The following PEAK1 variants were observed in gnomAD, a reference collection of about 807,000 sequenced individuals.
PEAK1 encodes pseudopodium enriched atypical kinase 1.
In PEAK1, 54 loss-of-function variants were observed where a neutral mutation model predicts 124.7. The ratio of observed to expected loss-of-function variants is 0.43; its 90% CI spans 0.35 to 0.54. The LOEUF is 0.54. PEAK1 is among the 20% of genes least tolerant of loss of function. The probability of loss-of-function intolerance (pLI) is 0.01; values close to 1 mark genes in which losing one functional copy is unlikely to be tolerated. For synonymous variants in PEAK1, 719 were observed against 760.0 expected, an observed-to-expected ratio of 0.95 and a Z score of 0.89; for missense variants, 2,046 against 2,134.5, an observed-to-expected ratio of 0.96 and a Z score of 0.82.
chr15:77,371,242 A>C, intron 1 of PEAK1: 1 of 983,148 alleles, frequency 1.0e-6, no homozygotes, highest in Non-Finnish European at 1.2e-6. Context: ...TTCACTCCAA[A>C]CCTAGGGCCT....
intron 6 of PEAK1, among the ~76,000 whole-genome samples, chr15:77,245,689 G>C (rs2060551187): frequency 6.6e-6 from 1 of 151,832 alleles, no homozygotes; most frequent in Non-Finnish European, 1.5e-5. Flanking sequence ...GGGAAACCGA[G>C]TGAGACTCCG....
At chr15:77,102,465 T>C (rs2050703711) in exon 7 of PEAK1, 1 of 152,242 alleles carries the variant, frequency 6.6e-6, no homozygotes, top group Non-Finnish European at 1.5e-5. Flanking sequence ...ACAAAGTCCT[T>C]TCTCAACAAG....
chr15:77,258,333 A>C (rs2061271756), intron 5 of PEAK1, among the ~76,000 whole-genome samples: 1 of 152,066 alleles, frequency 6.6e-6, no homozygotes, highest in Non-Finnish European at 1.5e-5. Flanking sequence ...GGCCTTTTTC[A>C]TGATATTGAT....
At chr15:77,323,419 G>A (rs1254943387) in intron 2 of PEAK1, among the ~76,000 whole-genome samples, 5 of 152,212 alleles carry the variant, frequency 3.3e-5, no homozygotes, top group Admixed American at 6.5e-5. Flanking sequence ...TAAGCTGATA[G>A]GCAACTTCAG....
chr15:77,332,056 G>GA (rs2065919827), intron 2 of PEAK1: 1 of 431,034 alleles, frequency 2.3e-6, no homozygotes. Flanking sequence ...GGCCAACATG[G>GA]CGAAACTGTC....
At chr15:77,386,053 C>G (rs777344282) in intron 1 of PEAK1, among the ~76,000 whole-genome samples, 144 of 152,180 alleles carry the variant, frequency 9.5e-4, no homozygotes, top group Non-Finnish European at 2.0e-3. Flanking sequence ...ATTAATGGAG[C>G]TATTATAGGA....
chr15:77,274,617 TA>T (rs1300741111), intron 5 of PEAK1, among the ~76,000 whole-genome samples: 1 of 151,310 alleles, frequency 6.6e-6, no homozygotes, highest in African/African-American at 2.4e-5. Context: ...AATCAAAAAT[TA>T]AAAAACCAAA....
At chr15:77,238,872 T>C (rs1397879395) in intron 6 of PEAK1, among the ~76,000 whole-genome samples, 1 of 152,196 alleles carries the variant, frequency 6.6e-6, no homozygotes, top group African/African-American at 2.4e-5. Flanking sequence ...TCCAGGAGGC[T>C]AGACATAAAG....
chr15:77,285,183 T>G (rs994999871), intron 3 of PEAK1, 128 bp from the exon 4 acceptor site: 1 of 152,186 alleles, frequency 6.6e-6, no homozygotes, highest in East Asian at 1.9e-4. Flanking sequence ...TTACTAGCTA[T>G]GTGATCTCGG....
At chr15:77,318,340 C>G (rs75514735) in intron 2 of PEAK1, among the ~76,000 whole-genome samples, 6,132 of 152,246 alleles carry the variant, frequency 0.04, 195 homozygotes, top group Non-Finnish European at 0.061. Flanking sequence ...ATATTGGCAA[C>G]TTCCTGTGAA....
chr15:77,383,390 A>T (rs956205603), intron 1 of PEAK1, among the ~76,000 whole-genome samples: 7 of 152,204 alleles, frequency 4.6e-5, no homozygotes, highest in Admixed American at 2.6e-4. Context: ...TGCCTTGAGA[A>T]GAAACATCAG....
At chr15:77,182,785 CA>C (rs1469487333) in intron 6 of PEAK1, among the ~76,000 whole-genome samples, 1 of 126,872 alleles carries the variant, frequency 7.9e-6, no homozygotes, top group Non-Finnish European at 1.7e-5. Flanking sequence ...AAAAGGAGAC[CA>C]GGGGCCAGAT....
At chr15:77,116,712 CTATCT>C (rs2051415137) in intron 9 of PEAK1, among the ~76,000 whole-genome samples, 1 of 122,418 alleles carries the variant, frequency 8.2e-6, no homozygotes, top group Non-Finnish European at 1.8e-5. Context: ...ATCTATCTAT[CTATCT>C]ATCTATCTAT....
intron 9 of PEAK1, among the ~76,000 whole-genome samples, chr15:77,126,350 A>C (rs535159888): frequency 2.0e-5 from 3 of 152,180 alleles, no homozygotes; most frequent in African/African-American, 4.8e-5. Flanking sequence ...AATATAAGGT[A>C]CCTAGTTTGT....
chr15:77,294,527 G>C (rs1005193291), intron 2 of PEAK1, among the ~76,000 whole-genome samples: 10 of 152,078 alleles, frequency 6.6e-5, no homozygotes, highest in African/African-American at 2.4e-4. Context: ...TTACCTAAAA[G>C]ATAATGCTTA....
rs1421903340 is a variant in PEAK1, at chr15:77,179,550, C to T, written c.2377G>A (p.Val793Met). The change falls in exon 7 of 10, where the codon GTG becomes ATG. Residue 793 changes from valine (V) to methionine (M), a missense_variant. Transcript: ENST00000682557. ...TPQSGPKACS[V>M]EELYAIPPDA... is the part of the protein sequence containing the mutation. Reference sequence around the variant, plus strand: ...GGAGGAATGGCATAAAGCTCTTCCACACTGCAAGCTTTAGGGCCAGATTGA... The same window carrying T: ...GGAGGAATGGCATAAAGCTCTTCCATACTGCAAGCTTTAGGGCCAGATTGA... The T allele has an allele frequency of 3.1e-6, 5 of 1,614,132 alleles. No individual in the cohort carries two copies. Among genetic ancestry groups the T allele is most frequent in the African/African-American group, 1.3e-5 (1 of 75,026 alleles).
intron 1 of PEAK1, among the ~76,000 whole-genome samples, chr15:77,380,077 T>C (rs2069348546): frequency 6.6e-6 from 1 of 152,200 alleles, no homozygotes. Context: ...CTCAGCTTTG[T>C]TTTATCTTGT....
rs371837627 is a variant in PEAK1, at chr15:77,178,860, C to T, written c.3067G>A (p.Ala1023Thr). ...AVMEKGRAEN[A>T]LLQDSEKKRS... ...TTCTTCTCTGAGTCCTGTAGTAATGCATTCTCTGCTCTACCCTTCTCCATG... is the reference window on the plus strand; with the variant it reads ...TTCTTCTCTGAGTCCTGTAGTAATGTATTCTCTGCTCTACCCTTCTCCATG... The change falls in exon 7 of 10, where the codon GCA becomes ACA. Residue 1023 changes from alanine to threonine, a missense_variant. Coordinates refer to ENST00000682557, the MANE Select transcript of PEAK1 (RefSeq NM_001385026.1). 6.2e-7 allele frequency: 1 copy of T among 1,613,944 alleles called. No individual in the cohort carries two copies. The highest frequency in any genetic ancestry group is 1.7e-5 in the Admixed American group (1 of 59,986).
At chr15:77,348,019 T>A (rs2066973745) in intron 2 of PEAK1, 1 of 985,176 alleles carries the variant, frequency 1.0e-6, no homozygotes, top group African/African-American at 1.7e-5. Flanking sequence ...ATGTTAAAAT[T>A]CCCAAACTAT....
Sources: gnomAD v4.1 joint callset for allele counts (sites outside exome capture counted in the v4.1 genomes callset) on GRCh38, gnomAD v4.1.1 for gene constraint, MANE v1.5 for transcripts, NCBI Gene and HGNC (gene_info 2026-07-23, HGNC 2026-07-21) for gene names.